The following PHRF1 variants were observed in gnomAD, a reference collection of about 807,000 sequenced individuals.
The protein encoded by PHRF1 is PHD and ring finger domains 1.
Under a neutral mutation model 128.9 loss-of-function variants are expected in PHRF1, and 53 were observed. The observed-to-expected ratio is 0.41, with a 90% CI of 0.33 to 0.52. The LOEUF (loss-of-function observed/expected upper bound fraction) is 0.52. Among genes scored for constraint, PHRF1 ranks in the 20% least tolerant of loss-of-function variants. PHRF1 has a pLI of 0.21. For synonymous variants in PHRF1, 1,178 were observed against 980.6 expected (o/e 1.20, Z -3.76); for missense variants, 2,503 against 2,284.5 (o/e 1.10, Z -1.95).
intron 9 of PHRF1, among the ~76,000 whole-genome samples, chr11:600,493 A>T (rs1248507103): frequency 3.6e-4 from 47 of 129,344 alleles, no homozygotes; most frequent in Non-Finnish European, 4.6e-4. Flanking sequence ...TGTCTCCAAA[A>T]ATATATATAT....
chr11:598,839 A>G (rs1272727237), intron 9 of PHRF1, among the ~76,000 whole-genome samples: 1 of 152,210 alleles, frequency 6.6e-6, no homozygotes, highest in Non-Finnish European at 1.5e-5. Context: ...CCCTGAAGCC[A>G]TCTGGGCCTG....
chr11:610,830 AG>A, intron 16 of PHRF1, 69 bp downstream of exon 16: 1 of 1,584,942 alleles, frequency 6.3e-7, no homozygotes, highest in Non-Finnish European at 8.6e-7. Flanking sequence ...GTTGGGGCTG[AG>A]TTTATGGGCG....
At chr11:593,718 G>A (rs1388700571) in intron 6 of PHRF1, among the ~76,000 whole-genome samples, 2 of 152,236 alleles carry the variant, frequency 1.3e-5, no homozygotes, top group African/African-American at 4.8e-5. Context: ...TGGCCTGTGG[G>A]AGTACAGGGG....
intron 11 of PHRF1, 117 bp from the exon 12 acceptor site, chr11:605,488 C>A: frequency 6.6e-7 from 1 of 1,513,014 alleles, no homozygotes; most frequent in Non-Finnish European, 8.9e-7. Context: ...GGGCCCGAAT[C>A]ACACGTGCCG....
chr11:596,092 G>T (rs574043109), intron 6 of PHRF1, among the ~76,000 whole-genome samples: 1 of 152,170 alleles, frequency 6.6e-6, no homozygotes, highest in East Asian at 1.9e-4. Flanking sequence ...AGTTCAGCCC[G>T]TGGTAAGTGG....
At position 595,538 on chromosome 11, in the gene PHRF1, A is replaced by G. The variant is rs1269102659; in HGVS notation, c.621-1385A>G. 1.3e-5 allele frequency among the ~76,000 whole-genome samples: 2 copies of G among 152,212 alleles called. 1 individual carries two copies. The highest frequency in any genetic ancestry group is 2.9e-5 in the Non-Finnish European group (2 of 68,042). On this transcript the variant is annotated intron_variant, in intron 6 of 17. Transcript: ENST00000264555. ...CCAAGCTCCCTGTGCAGGTGGAGCCATGGGTGCCTGCACCGTAGCTGGGCA... is the reference window on the plus strand; with the variant it reads ...CCAAGCTCCCTGTGCAGGTGGAGCCGTGGGTGCCTGCACCGTAGCTGGGCA...
chr11:608,399 CCA>C lies in PHRF1; in HGVS notation c.2946_2947del (p.His982GlnfsTer42). 1.2e-6 allele frequency: 2 copies of C among 1,611,680 alleles called. No individual in the cohort carries two copies. Among genetic ancestry groups the C allele is most frequent in the Non-Finnish European group, 1.7e-6 (2 of 1,179,580 alleles). ...GCCCGGACGTGCTGCAGGCTGCCAC[CCA>C]CAGAGTCGTGGAGCTCAGGCCCCCT... is the stretch of plus-strand genomic sequence containing the variant. ...PSPDVLQAAT[H>X]RVVELRPPSR... On this transcript the variant is annotated frameshift_variant, in exon 14 of 18. Coordinates refer to ENST00000264555, the MANE Select transcript of PHRF1 (RefSeq NM_001286581.2). LOFTEE classifies it high-confidence loss of function.
Position 607,498 on chromosome 11 carries a change from G to A in PHRF1, c.2042G>A (p.Arg681Lys). 5 of 1,612,848 alleles carry A rather than the reference G, an allele frequency of 3.1e-6. No homozygotes were observed. The highest frequency in any genetic ancestry group is 4.2e-6 in the Non-Finnish European group (5 of 1,179,882). ...AGAACAGACATCTCTGAGCTACCCA[G>A]GATACCAAAGATCAGGAGAGATGAC... Reference protein sequence around the residue: ...PRRTDISELPRIPKIRRDDGG... With the variant: ...PRRTDISELPKIPKIRRDDGG... Residue 681 changes from arginine to lysine, a missense_variant, in exon 14 of 18, where the codon AGG (arginine) becomes AAG (lysine). Transcript: ENST00000264555.
intron 13 of PHRF1, 24 bp downstream of exon 13, chr11:606,620 C>T: frequency 6.3e-7 from 1 of 1,578,714 alleles, no homozygotes; most frequent in Non-Finnish European, 8.6e-7. Flanking sequence ...CTGCCACGGC[C>T]CCTTCCTCTG....
rs375312636 is a variant in PHRF1 at position 598,436 on chromosome 11, C to T, written c.958C>T (p.Leu320=). The T allele has an allele frequency of 1.2e-5, 19 of 1,611,326 alleles. No individual in the cohort carries two copies. The highest frequency in any genetic ancestry group is 1.7e-5 in the Admixed American group (1 of 59,962). ...AGCCATCGAGGCTGTGGCGACTGGC[C>T]TGAGCACTGCCGTGTATCAGCGCCC... The part of the protein sequence containing the change: ...DEAIEAVATG[L]STAVYQRPLT... The change falls in exon 9 of 18, where the codon CTG becomes TTG. Residue 320 remains leucine, a synonymous_variant. Transcript: ENST00000264555.
chr11:584,729 CTTTTTTTTTTT>C (rs869125196), intron 3 of PHRF1, among the ~76,000 whole-genome samples: 34 of 90,312 alleles, frequency 3.8e-4, no homozygotes, highest in African/African-American at 1.6e-3. Context: ...TCTCCAGGAC[CTTTTTTTTTTT>C]TTTTTTTTTT....
chr11:605,690 C>T lies in PHRF1; in HGVS notation c.1420C>T (p.Pro474Ser). The change falls in exon 12 of 18, where the codon CCC becomes TCC. Residue 474 changes from proline (P) to serine (S), a missense_variant. Pro to Ser is a moderately conservative substitution (Grantham distance 74). Transcript: ENST00000264555. ...LSRSALQSHQPVARPVSVGLS... is the reference protein window; with the variant it reads ...LSRSALQSHQSVARPVSVGLS... The stretch of plus-strand genomic sequence containing the variant: ...CCGGTCAGCCCTGCAGTCCCACCAG[C>T]CCGTGGCCAGGCCCGTCTCCGTGGG... 1 of 1,613,124 alleles carries T rather than the reference C, an allele frequency of 6.2e-7. No homozygotes were observed. The highest frequency in any genetic ancestry group is 8.5e-7 in the Non-Finnish European group (1 of 1,179,862).
At position 607,068 on chromosome 11, in the gene PHRF1, CCAGT is replaced by C; in HGVS notation, c.1613_1616del (p.Pro538LeufsTer62). 1 of 1,551,540 alleles carries C rather than the reference CCAGT, an allele frequency of 6.4e-7. No homozygotes were observed. Among genetic ancestry groups the C allele is most frequent in the East Asian group, 2.3e-5 (1 of 43,926 alleles). On this transcript the variant is annotated frameshift_variant, in exon 14 of 18. Transcript: ENST00000264555. LOFTEE classifies it high-confidence loss of function. ...CCATTGACTTTTTTGTTTTTTAGCT[CCAGT>C]TTCTTTTCAGCGAAACTCAGGCAGT...
At chr11:579,108 A>AGGATGAC (rs1315792704) in intron 1 of PHRF1, among the ~76,000 whole-genome samples, 3 of 152,214 alleles carry the variant, frequency 2.0e-5, no homozygotes, top group Non-Finnish European at 4.4e-5. Flanking sequence ...CCAAAGTGCT[A>AGGATGAC]GGATGACAGG....
At chr11:584,846 T>C (rs563174395) in intron 3 of PHRF1, among the ~76,000 whole-genome samples, 71 of 148,938 alleles carry the variant, frequency 4.8e-4, no homozygotes, top group African/African-American at 1.7e-3. Context: ...CAAGCGATTC[T>C]CCTGCCTCAG....
chr11:583,123 G>A (rs895629925), intron 3 of PHRF1, among the ~76,000 whole-genome samples: 3 of 151,758 alleles, frequency 2.0e-5, no homozygotes, highest in Admixed American at 6.6e-5. Flanking sequence ...GGCGGATCAG[G>A]AGGTCAGGAG....
Position 607,502 on chromosome 11 carries a change from A to G in PHRF1, c.2046A>G (p.Ile682Met). Residue 682 changes from isoleucine to methionine, a missense_variant, in exon 14 of 18, where the codon ATA (isoleucine) becomes ATG (methionine). Transcript: ENST00000264555. ...RRTDISELPRIPKIRRDDGGG... is the reference protein window; with the variant it reads ...RRTDISELPRMPKIRRDDGGG... ...CAGACATCTCTGAGCTACCCAGGAT[A>G]CCAAAGATCAGGAGAGATGACGGTG... 6.2e-7 allele frequency: 1 copy of G among 1,612,808 alleles called. No individual in the cohort carries two copies. Among genetic ancestry groups the G allele is most frequent in the East Asian group, 2.2e-5 (1 of 44,890 alleles).
chr11:605,503 A>C lies in PHRF1; in HGVS notation c.1335-102A>C, dbSNP rs559378006. The stretch of plus-strand genomic sequence containing the variant: ...GGGCCCGAATCACACGTGCCGCCAC[A>C]TGGCCAGTGCTCGGCCATCCTCCTC... On this transcript the variant is annotated intron_variant, in intron 11 of 17. Coordinates refer to ENST00000264555, the MANE Select transcript of PHRF1 (RefSeq NM_001286581.2). 38 of 1,535,908 alleles carry C rather than the reference A, an allele frequency of 2.5e-5. No individual in the cohort carries two copies. In the South Asian group the frequency reaches 4.3e-4, roughly 17 times the overall value.
chr11:587,188 C>A, intron 3 of PHRF1, 71 bp from the exon 4 acceptor site: 2 of 1,475,844 alleles, frequency 1.4e-6, no homozygotes, highest in Non-Finnish European at 1.9e-6. Flanking sequence ...GCAGCCTGGG[C>A]CCGCTTGCCT....
Sources: allele counts gnomAD v4.1 joint callset (sites outside exome capture counted in the v4.1 genomes callset), GRCh38; gene constraint gnomAD v4.1.1; transcripts MANE v1.5; gene names NCBI Gene and HGNC (gene_info 2026-07-23, HGNC 2026-07-21).